Variants in ADAM2 observed in about 807,000 individuals in gnomAD.
ADAM2 encodes disintegrin and metalloproteinase domain-containing protein 2.
A neutral mutation model predicts 99.3 loss-of-function variants in ADAM2; 101 were observed. That is an observed-to-expected ratio of 1.02 (90% CI 0.87 to 1.20). The LOEUF (loss-of-function observed/expected upper bound fraction) is 1.20, where lower values mean the gene tolerates loss of function less well. ADAM2 is among the 50% of genes most tolerant of loss of function. ADAM2 has a pLI of 0.00. For missense variants in ADAM2, 948 were observed against 878.7 expected (o/e 1.08, Z -1.00); for synonymous variants, 323 against 287.6 (o/e 1.12, Z -1.25).
chr8:39,814,662 CAATA>C (rs1322829007), intron 6 of ADAM2, among the ~76,000 whole-genome samples: 2 of 151,932 alleles, frequency 1.3e-5, no homozygotes, highest in Admixed American at 1.3e-4. Context: ...ATTTATCCAT[CAATA>C]AATAGACAGA....
intron 7 of ADAM2, among the ~76,000 whole-genome samples, chr8:39,804,299 G>C (rs968575615): frequency 1.4e-4 from 21 of 152,328 alleles, no homozygotes; most frequent in African/African-American, 5.0e-4. Flanking sequence ...CAACTAAAGG[G>C]AAAATGGCAA....
At chr8:39,822,030 G>A (rs1208106378) in intron 4 of ADAM2, among the ~76,000 whole-genome samples, 1 of 152,044 alleles carries the variant, frequency 6.6e-6, no homozygotes, top group Non-Finnish European at 1.5e-5. Flanking sequence ...AATTTCACCT[G>A]GATTTTGTAT....
chr8:39,791,349 C>T (rs1364708417), intron 7 of ADAM2, among the ~76,000 whole-genome samples: 1 of 152,078 alleles, frequency 6.6e-6, no homozygotes, highest in Non-Finnish European at 1.5e-5. Flanking sequence ...GCTGTTTCCT[C>T]ATTTCTGATA....
At chr8:39,823,375 A>G (rs1408268110) in intron 4 of ADAM2, among the ~76,000 whole-genome samples, 1 of 152,202 alleles carries the variant, frequency 6.6e-6, no homozygotes, top group African/African-American at 2.4e-5. Flanking sequence ...ACTGAATTTA[A>G]TGAGCTTTTT....
At position 39,769,442 on chromosome 8, in the gene ADAM2, C is replaced by G. The variant is rs1446423254; in HGVS notation, c.1162G>C (p.Gly388Arg). ...TCTCCTGCTTCCAGCTTTGCATTAC[C>G]ACACACTGCTTGCTGTTTGAAAAAA... ...DPFFKQQAVC[G>R]NAKLEAGEEC... is the part of the protein sequence containing the mutation. The change falls in exon 12 of 21, where the codon GGT (glycine) becomes CGT (arginine). Residue 388 changes from glycine (G) to arginine (R), a missense_variant. Transcript: ENST00000265708. 6.2e-7 allele frequency: 1 copy of G among 1,613,892 alleles called. No homozygotes were observed. The highest frequency in any genetic ancestry group is 2.2e-5 in the East Asian group (1 of 44,888).
chr8:39,754,130 G>C (rs1802061619), intron 16 of ADAM2, among the ~76,000 whole-genome samples: 1 of 152,154 alleles, frequency 6.6e-6, no homozygotes, highest in African/African-American at 2.4e-5. Flanking sequence ...TCGTCCTAGT[G>C]TTCTTAGATG....
chr8:39,820,449 A>C (rs895465050), intron 6 of ADAM2, among the ~76,000 whole-genome samples: 7 of 152,134 alleles, frequency 4.6e-5, no homozygotes, highest in Non-Finnish European at 8.8e-5. Flanking sequence ...GATCCTGAAA[A>C]TTGGAATGGG....
At chr8:39,750,088 T>C (rs1455781423) in intron 16 of ADAM2, among the ~76,000 whole-genome samples, 1 of 152,136 alleles carries the variant, frequency 6.6e-6, no homozygotes, top group East Asian at 1.9e-4. Context: ...ACAGGAAATG[T>C]GTCAAATATT....
intron 11 of ADAM2, among the ~76,000 whole-genome samples, chr8:39,776,203 C>T (rs1217392786): frequency 6.6e-6 from 1 of 152,070 alleles, no homozygotes; most frequent in Non-Finnish European, 1.5e-5. Flanking sequence ...GGCCCACAAT[C>T]CTTTCATAAA....
At chr8:39,806,963 G>A (rs568162638) in intron 7 of ADAM2, among the ~76,000 whole-genome samples, 9 of 152,232 alleles carry the variant, frequency 5.9e-5, no homozygotes, top group South Asian at 2.1e-4. Context: ...GAAAATGAGC[G>A]CTAATAATAG....
At chr8:39,755,672 A>G in intron 16 of ADAM2, 56 bp downstream of exon 16, 2 of 1,419,142 alleles carry the variant, frequency 1.4e-6, no homozygotes, top group Non-Finnish European at 2.0e-6. Flanking sequence ...ACTCATCTCA[A>G]AAAAGGGCAA....
chr8:39,773,566 G>A (rs1402861069), intron 11 of ADAM2, among the ~76,000 whole-genome samples: 2 of 149,956 alleles, frequency 1.3e-5, no homozygotes, highest in African/African-American at 4.9e-5. Context: ...GATAAAAGAG[G>A]GCATATCACA....
chr8:39,772,160 G>A (rs1233180856), intron 11 of ADAM2, among the ~76,000 whole-genome samples: 5 of 150,682 alleles, frequency 3.3e-5, no homozygotes, highest in Admixed American at 6.6e-5. Flanking sequence ...AATTGCATCC[G>A]ATTAGAGTAC....
intron 6 of ADAM2, among the ~76,000 whole-genome samples, chr8:39,813,696 C>T (rs575700894): frequency 8.5e-5 from 13 of 152,178 alleles, no homozygotes; most frequent in African/African-American, 3.1e-4. Context: ...CACATGTTCT[C>T]ACTCAGAAGT....
intron 11 of ADAM2, among the ~76,000 whole-genome samples, chr8:39,769,914 A>T (rs1324541014): frequency 1.3e-5 from 2 of 151,588 alleles, no homozygotes; most frequent in Non-Finnish European, 2.9e-5. Context: ...CCCCTGTATT[A>T]ATAAAGAAAA....
At chr8:39,829,433 T>C (rs2129589033) in intron 3 of ADAM2, among the ~76,000 whole-genome samples, 1 of 152,092 alleles carries the variant, frequency 6.6e-6, no homozygotes, top group South Asian at 2.1e-4. Flanking sequence ...GTTGGAGAAA[T>C]ACATATTAAA....
At chr8:39,764,615 A>G (rs543820860) in intron 14 of ADAM2, among the ~76,000 whole-genome samples, 1 of 152,276 alleles carries the variant, frequency 6.6e-6, no homozygotes, top group East Asian at 1.9e-4. Context: ...GGTGGACCTC[A>G]CAATAAAGCT....
chr8:39,792,449 A>G (rs1047137576), intron 7 of ADAM2, among the ~76,000 whole-genome samples: 4 of 152,034 alleles, frequency 2.6e-5, no homozygotes, highest in African/African-American at 4.8e-5. Flanking sequence ...ATTATTTACA[A>G]AAGACTGTAA....
chr8:39,817,138 ATAGAT>A (rs1804978370), intron 6 of ADAM2, among the ~76,000 whole-genome samples: 1 of 152,202 alleles, frequency 6.6e-6, no homozygotes, highest in Admixed American at 6.5e-5. Flanking sequence ...AAAAAAATAA[ATAGAT>A]TAGATATAAA....
Sources: allele counts gnomAD v4.1 joint callset (sites outside exome capture counted in the v4.1 genomes callset), GRCh38; gene constraint gnomAD v4.1.1; transcripts MANE v1.5; gene names NCBI Gene and HGNC (gene_info 2026-07-23, HGNC 2026-07-21).